Variants in CYTH1 observed in about 807,000 individuals in gnomAD.
The protein encoded by CYTH1 is cytohesin 1.
In CYTH1, 18 loss-of-function variants were observed where a neutral mutation model predicts 61.8. The ratio of observed to expected loss-of-function variants is 0.29; its 90% confidence interval spans 0.20 to 0.43. CYTH1 has a LOEUF of 0.43. Ranked by LOEUF, CYTH1 falls within the 20% of genes least tolerant of loss-of-function variation. The pLI, the probability that CYTH1 is intolerant of heterozygous loss-of-function variation, is 1.00. For missense variants in CYTH1, 336 were observed against 510.5 expected (o/e 0.66, Z 3.29); for synonymous variants, 174 against 184.3 (o/e 0.94, Z 0.45).
chr17:78,746,042 T>C (rs866239890), intron 1 of CYTH1, among the ~76,000 whole-genome samples: 22 of 152,364 alleles, frequency 1.4e-4, no homozygotes, highest in Middle Eastern at 6.8e-3. Flanking sequence ...AACATTGGTT[T>C]GCCCTTTGTC....
intron 1 of CYTH1, among the ~76,000 whole-genome samples, chr17:78,765,958 T>C (rs907631822): frequency 6.6e-6 from 1 of 151,698 alleles, no homozygotes; most frequent in Non-Finnish European, 1.5e-5. Context: ...TGAGGCCCTG[T>C]CAAAAACCAG....
intron 3 of CYTH1, among the ~76,000 whole-genome samples, chr17:78,704,012 T>C (rs1031444520): frequency 2.6e-5 from 4 of 152,234 alleles, no homozygotes; most frequent in Non-Finnish European, 4.4e-5. Context: ...TGCTAAATAA[T>C]AGGCAGTTTT....
chr17:78,760,454 T>TATATAC lies in CYTH1; in HGVS notation c.22+21747_22+21748insGTATAT, dbSNP rs2093420677. On this transcript the variant is annotated intron_variant, in intron 1 of 13. Transcript: ENST00000446868. ...ATACATATATATATGTATATATATA[T>TATATAC]ACATACATATATATATGTATATATA... Among the ~76,000 whole-genome samples, 2 of 53,874 alleles carry TATATAC rather than the reference T, an allele frequency of 3.7e-5. 1 individual carries two copies. The highest frequency in any genetic ancestry group is 1.5e-4 in the African/African-American group (2 of 13,320). 35.3% of individuals were successfully genotyped at this position (53,874 alleles called of 152,430 possible).
intron 1 of CYTH1, among the ~76,000 whole-genome samples, chr17:78,713,742 C>T (rs2093157056): frequency 6.7e-6 from 1 of 149,814 alleles, no homozygotes; most frequent in Non-Finnish European, 1.5e-5. Context: ...TATAATGAAG[C>T]TGATGAAAAA....
intron 1 of CYTH1, chr17:78,727,676 G>T: frequency 2.1e-6 from 1 of 471,106 alleles, no homozygotes; most frequent in Non-Finnish European, 4.4e-6. Context: ...CAAGGCTGGA[G>T]CAGGCACGGC....
intron 1 of CYTH1, 51 bp downstream of exon 1, chr17:78,782,150 AG>A: frequency 7.8e-7 from 1 of 1,286,094 alleles, no homozygotes; most frequent in South Asian, 2.1e-5. Context: ...CCGGGCCCGG[AG>A]GGGACTGGGG....
intron 1 of CYTH1, 66 bp from the exon 2 acceptor site, chr17:78,709,798 AG>A: frequency 7.1e-7 from 1 of 1,403,930 alleles, no homozygotes; most frequent in South Asian, 1.2e-5. Context: ...GAAGATCCAG[AG>A]GCCACAAAAG....
rs1045091251 is a variant in CYTH1 at position 78,733,438 on chromosome 17, C to T, written c.23-23706G>A. ...AGAGCCCAATTCACATTCCGGTCACCGGCTGCATCCTCAGCTCTTTTTTTT... is the reference window on the plus strand; with the variant it reads ...AGAGCCCAATTCACATTCCGGTCACTGGCTGCATCCTCAGCTCTTTTTTTT... On this transcript the variant is annotated intron_variant, in intron 1 of 13. Coordinates refer to ENST00000446868, the MANE Select transcript of CYTH1 (RefSeq NM_004762.6). Among the ~76,000 whole-genome samples the T allele has an allele frequency of 2.6e-5, 4 of 152,200 alleles. No individual in the cohort carries two copies. In the East Asian group the frequency reaches 5.8e-4, roughly 22 times the overall value.
At position 78,727,662 on chromosome 17, in the gene CYTH1, AG is replaced by A. The variant is rs1200928648; in HGVS notation, c.23-17931del. On this transcript the variant is annotated intron_variant, in intron 1 of 13. Transcript: ENST00000446868. ...TGGCCCCCTGCCTCCACCTACCAGC[AG>A]GGCAAGGCTGGAGCAGGCACGGCCG... 67 of 471,080 alleles carry A rather than the reference AG, an allele frequency of 1.4e-4. 1 individual carries two copies. The Admixed American group carries it at 1.5e-3, about 11-fold the overall frequency. The allele number at this position is 471,080 out of a possible 1,614,324, so 29.2% of individuals were successfully genotyped here. A position where few individuals can be genotyped will look rare whatever the true frequency, so the allele number is the denominator to read the frequency against.
intron 1 of CYTH1, among the ~76,000 whole-genome samples, chr17:78,734,185 G>A (rs376550054): frequency 6.6e-6 from 1 of 151,784 alleles, no homozygotes; most frequent in Admixed American, 6.6e-5. Flanking sequence ...AGGAGGCAGA[G>A]GTTGCAGTGA....
At chr17:78,730,360 CT>C (rs1179773803) in intron 1 of CYTH1, among the ~76,000 whole-genome samples, 2 of 86,312 alleles carry the variant, frequency 2.3e-5, no homozygotes, top group African/African-American at 5.1e-5. Flanking sequence ...CCCATCTCTA[CT>C]AAAAATACAA....
At chr17:78,696,090 A>C (rs1366647990) in intron 9 of CYTH1, 81 bp from the exon 10 acceptor site, 9 of 1,361,332 alleles carry the variant, frequency 6.6e-6, no homozygotes, top group Non-Finnish European at 8.8e-6. Context: ...AAAACAAAGA[A>C]ATTAAACCCG....
chr17:78,756,465 C>A (rs940299838), intron 1 of CYTH1, among the ~76,000 whole-genome samples: 1 of 152,082 alleles, frequency 6.6e-6, no homozygotes. Flanking sequence ...CCTGAAAAGT[C>A]TGCAGCAAAT....
At chr17:78,718,076 CCTTA>C (rs1472999952) in intron 1 of CYTH1, among the ~76,000 whole-genome samples, 1 of 152,006 alleles carries the variant, frequency 6.6e-6, no homozygotes, top group Non-Finnish European at 1.5e-5. Context: ...AAGGTAACTA[CCTTA>C]GTCAGAGTTG....
chr17:78,707,325 G>GA (rs1398252163), intron 3 of CYTH1, among the ~76,000 whole-genome samples: 2 of 152,046 alleles, frequency 1.3e-5, no homozygotes, highest in African/African-American at 4.8e-5. Context: ...TAAGCAGTCA[G>GA]AAAACGGTCT....
chr17:78,700,208 T>C lies in CYTH1; in HGVS notation c.550+123A>G, dbSNP rs2092993352. ...ATTTCCAACATTTTACTATTATAACTATCATTGAGTAAACGTTCCTAGGCA... is the reference window on the plus strand; with the variant it reads ...ATTTCCAACATTTTACTATTATAACCATCATTGAGTAAACGTTCCTAGGCA... On this transcript the variant is annotated intron_variant, in intron 7 of 13. Coordinates refer to ENST00000446868, the MANE Select transcript of CYTH1 (RefSeq NM_004762.6). This position sits in a 1 kb window ranked among gnomAD's most constrained non-coding sequence, Gnocchi z 5.1. The C allele has an allele frequency of 1.3e-6, 1 of 798,822 alleles. No individual in the cohort carries two copies. The highest frequency in any genetic ancestry group is 3.2e-5 in the Admixed American group (1 of 30,912). 49.5% of individuals were successfully genotyped at this position (798,822 alleles called of 1,614,324 possible).
intron 1 of CYTH1, among the ~76,000 whole-genome samples, chr17:78,758,273 C>A (rs1244888296): frequency 1.3e-5 from 2 of 152,214 alleles, no homozygotes; most frequent in Admixed American, 1.3e-4. Flanking sequence ...AGCATCCCTG[C>A]ATGTCCTTGC....
intron 1 of CYTH1, among the ~76,000 whole-genome samples, chr17:78,738,142 C>T (rs1728454287): frequency 6.6e-6 from 1 of 152,182 alleles, no homozygotes; most frequent in Admixed American, 6.5e-5. Context: ...AGTAGAACTG[C>T]TGGATCCAGA....
chr17:78,740,011 C>G (rs973208026), intron 1 of CYTH1, among the ~76,000 whole-genome samples: 2 of 152,208 alleles, frequency 1.3e-5, no homozygotes, highest in African/African-American at 4.8e-5. Flanking sequence ...TCTCGGCTCA[C>G]TGCAACCTCT....
Sources: gnomAD v4.1 joint callset for allele counts (sites outside exome capture counted in the v4.1 genomes callset) on GRCh38, gnomAD v4.1.1 for gene constraint, Gnocchi (gnomAD v3.1) non-coding constraint, MANE v1.5 for transcripts, NCBI Gene and HGNC (gene_info 2026-07-23, HGNC 2026-07-21) for gene names.